Variants in HNRNPA3 observed in about 807,000 individuals in gnomAD.
HNRNPA3 encodes the protein heterogeneous nuclear ribonucleoprotein A3.
HNRNPA3 carries 3 observed loss-of-function variants against 45.8 expected under a neutral mutation model. That is an observed-to-expected ratio of 0.07 (90% CI 0.03 to 0.17). The LOEUF (loss-of-function observed/expected upper bound fraction) is 0.17. Among genes scored for constraint, HNRNPA3 ranks in the 10% least tolerant of loss-of-function variants. The probability of loss-of-function intolerance (pLI) is 1.00; values close to 1 mark genes in which losing one functional copy is unlikely to be tolerated. For synonymous variants in HNRNPA3, 170 were observed against 155.6 expected (o/e 1.09, Z -0.69); for missense variants, 183 against 480.3 (o/e 0.38, Z 5.79).
At chr2:177,218,942 C>G in intron 8 of HNRNPA3, 95 bp from the exon 9 acceptor site, 3 of 1,463,778 alleles carry the variant, frequency 2.0e-6, no homozygotes, top group Non-Finnish European at 2.8e-6. Flanking sequence ...TATAAGCATG[C>G]TACCATAATT....
At chr2:177,214,249 A>G (rs1375042169) in intron 1 of HNRNPA3, among the ~76,000 whole-genome samples, 1 of 152,264 alleles carries the variant, frequency 6.6e-6, no homozygotes, top group African/African-American at 2.4e-5. Flanking sequence ...AATACATACC[A>G]TTCCTAATGT....
chr2:177,215,403 A>T, intron 1 of HNRNPA3, 136 bp from the exon 2 acceptor site: 1 of 931,782 alleles, frequency 1.1e-6, no homozygotes, highest in Non-Finnish European at 1.7e-6. Flanking sequence ...GTCTGGTCAA[A>T]GTTTTAACTG....
intron 7 of HNRNPA3, 133 bp downstream of exon 7, chr2:177,217,073 TG>T (rs1688974381): frequency 1.0e-6 from 1 of 974,898 alleles, no homozygotes; most frequent in East Asian, 2.8e-5. Context: ...AAACTGTACA[TG>T]GAAGAACAGG....
At position 177,217,701 on chromosome 2, in the gene HNRNPA3, T is replaced by G. The variant is rs746380674; in HGVS notation, c.821-4T>G. The stretch of plus-strand genomic sequence containing the variant: ...TGTGGTCTTGTTATTTGTTGTTTTT[T>G]TAGGTGGCAACTATGGCGGTGGTCC... On this transcript the variant is annotated splice_region_variant and splice_polypyrimidine_tract_variant and intron_variant, in intron 7 of 10. Coordinates refer to ENST00000392524, the Ensembl canonical transcript of HNRNPA3. 2 of 1,612,496 alleles carry G rather than the reference T, an allele frequency of 1.2e-6. No individual in the cohort carries two copies.
At chr2:177,220,780 T>G (rs1182588700), downstream of HNRNPA3, 1 of 152,634 alleles carries the variant, frequency 6.6e-6, no homozygotes, top group Non-Finnish European at 1.5e-5. Flanking sequence ...CCAATTTGTT[T>G]GGAAGGCCCT....
chr2:177,216,768 A>C (rs910294067), exon 6 of HNRNPA3: 1 of 1,614,060 alleles, frequency 6.2e-7, no homozygotes, highest in Non-Finnish European at 8.5e-7. Context: ...CTTTGGTGGA[A>C]GAGGTAGGCT....
chr2:177,217,719 G>A (rs1364922975), exon 8 of HNRNPA3: 6 of 1,612,690 alleles, frequency 3.7e-6, no homozygotes, highest in African/African-American at 1.3e-5. Context: ...CAACTATGGC[G>A]GTGGTCCTGG....
intron 9 of HNRNPA3, 33 bp from the exon 10 acceptor site, chr2:177,219,214 A>G (rs1257278453): frequency 1.2e-6 from 2 of 1,611,240 alleles, no homozygotes; most frequent in Non-Finnish European, 8.5e-7. Flanking sequence ...AAAAATGTGC[A>G]TACTTCTTTT....
intron 1 of HNRNPA3, among the ~76,000 whole-genome samples, chr2:177,213,134 G>A (rs1386422268): frequency 2.6e-5 from 4 of 152,132 alleles, no homozygotes; most frequent in Non-Finnish European, 4.4e-5. Context: ...CCTGCCGGCT[G>A]CGCGGCCTCC....
intron 7 of HNRNPA3, among the ~76,000 whole-genome samples, chr2:177,217,362 T>C (rs1233818271): frequency 2.0e-5 from 3 of 152,236 alleles, no homozygotes; most frequent in Non-Finnish European, 4.4e-5. Context: ...AAATGTAATA[T>C]AAAACCAGAG....
intron 8 of HNRNPA3, 77 bp downstream of exon 8, chr2:177,217,922 T>A: frequency 7.4e-7 from 1 of 1,351,054 alleles, no homozygotes; most frequent in Non-Finnish European, 9.9e-7. Context: ...ATTTGGAAAG[T>A]GTTAAAAGCG....
chr2:177,222,928 G>A (rs1689245860), downstream of HNRNPA3: 1 of 152,420 alleles, frequency 6.6e-6, no homozygotes, highest in South Asian at 2.1e-4. Context: ...AAGCAGTGGG[G>A]GCCTAATTAC....
At chr2:177,215,444 T>C (rs1688891731) in intron 1 of HNRNPA3, 95 bp from the exon 2 acceptor site, 2 of 1,233,000 alleles carry the variant, frequency 1.6e-6, no homozygotes, top group Admixed American at 3.9e-5. Flanking sequence ...AGGAATTTGA[T>C]GTTGATTTTA....
chr2:177,221,400 T>C (rs1295071955), downstream of HNRNPA3: 3 of 152,592 alleles, frequency 2.0e-5, no homozygotes, highest in Non-Finnish European at 4.4e-5. Flanking sequence ...CTGTTTTATG[T>C]TTGTGAAATT....
At chr2:177,216,373 G>A (rs1688935807) in intron 4 of HNRNPA3, 130 bp from the exon 5 acceptor site, 1 of 735,672 alleles carries the variant, frequency 1.4e-6, no homozygotes, top group Admixed American at 2.6e-5. Context: ...ATCTCAGAAT[G>A]CTCCTTCATT....
intron 1 of HNRNPA3, among the ~76,000 whole-genome samples, chr2:177,213,769 AT>A (rs1688796629): frequency 6.6e-6 from 1 of 152,226 alleles, no homozygotes; most frequent in Non-Finnish European, 1.5e-5. Flanking sequence ...TTTTATCTTC[AT>A]GTTTTCCCAT....
At chr2:177,214,359 C>T (rs143061504) in intron 1 of HNRNPA3, among the ~76,000 whole-genome samples, 1 of 151,776 alleles carries the variant, frequency 6.6e-6, no homozygotes, top group Non-Finnish European at 1.5e-5. Context: ...GCTATTTGAT[C>T]GGCTTTTTTT....
chr2:177,217,292 TTAGG>T (rs1688983369), intron 7 of HNRNPA3, among the ~76,000 whole-genome samples: 1 of 152,254 alleles, frequency 6.6e-6, no homozygotes, highest in Non-Finnish European at 1.5e-5. Flanking sequence ...TCTATTATTA[TTAGG>T]TATTACCAGG....
At chr2:177,222,938 C>T (rs1437483106), downstream of HNRNPA3, 1 of 152,596 alleles carries the variant, frequency 6.6e-6, no homozygotes, top group Admixed American at 6.5e-5. Context: ...GGCCTAATTA[C>T]TGCTCCTTTG....
Sources: gnomAD v4.1 joint callset for allele counts (sites outside exome capture counted in the v4.1 genomes callset) on GRCh38, gnomAD v4.1.1 for gene constraint, MANE v1.5 for transcripts, NCBI Gene and HGNC (gene_info 2026-07-23, HGNC 2026-07-21) for gene names.